FAM98A: variants seen among roughly 807,000 people sequenced by gnomAD.
The protein encoded by FAM98A is tRNA splicing ligase complex subunit 3A, also known as protein FAM98A.
FAM98A carries 25 observed loss-of-function variants against 62.9 expected under a neutral mutation model. The ratio of observed to expected loss-of-function variants is 0.40; its 90% confidence interval spans 0.29 to 0.56. The LOEUF (loss-of-function observed/expected upper bound fraction) is 0.56, where lower values mean the gene tolerates loss of function less well. Among genes scored for constraint, FAM98A ranks in the 20% least tolerant of loss-of-function variants. The probability of loss-of-function intolerance (pLI) is 0.51; values close to 1 mark genes in which losing one functional copy is unlikely to be tolerated. For synonymous variants in FAM98A, 252 were observed against 228.6 expected (o/e 1.10, Z -0.92); for missense variants, 653 against 640.7 (o/e 1.02, Z -0.21).
At chr2:33,590,491 G>T (rs998728520) in intron 3 of FAM98A, among the ~76,000 whole-genome samples, 12 of 152,176 alleles carry the variant, frequency 7.9e-5, no homozygotes, top group African/African-American at 2.9e-4. Context: ...ATGAGTACAT[G>T]TAGGTAAATG....
At chr2:33,599,121 G>A (rs747153184) in intron 1 of FAM98A, 48 bp downstream of exon 1, 2 of 1,532,672 alleles carry the variant, frequency 1.3e-6, no homozygotes, top group African/African-American at 1.4e-5. Flanking sequence ...GTGTTCCCAG[G>A]GGGCCGGCAG....
At position 33,598,227 on chromosome 2, in the gene FAM98A, A is replaced by G. The variant is rs114872040; in HGVS notation, c.53+942T>C. Among the ~76,000 whole-genome samples the G allele has an allele frequency of 7.8e-3, 1,184 of 152,340 alleles. 13 individuals are homozygous for G. The highest frequency in any genetic ancestry group is 0.027 in the African/African-American group (1,111 of 41,570). Reference sequence around the variant, plus strand: ...TCTCTCAAAGGTTTCCTTGTCATGGAAAAACCTAAGAGAAAATTTTGATAA... The same window carrying G: ...TCTCTCAAAGGTTTCCTTGTCATGGGAAAACCTAAGAGAAAATTTTGATAA... On this transcript the variant is annotated intron_variant, in intron 1 of 7. Transcript: ENST00000238823.
At position 33,594,622 on chromosome 2, in the gene FAM98A, T is replaced by C. The variant is rs12993067; in HGVS notation, c.202+867A>G. ...ACACATACATACACACATATATATATACACACATATATATACACATATATA... is the reference window on the plus strand; with the variant it reads ...ACACATACATACACACATATATATACACACACATATATATACACATATATA... On this transcript the variant is annotated intron_variant, in intron 2 of 7. Transcript: ENST00000238823. 1.4e-4 allele frequency among the ~76,000 whole-genome samples: 8 copies of C among 58,176 alleles called. 2 individuals carry two copies. The highest frequency in any genetic ancestry group is 6.0e-4 in the African/African-American group (7 of 11,572). The allele number at this position is 58,176 out of a possible 152,430, so 38.2% of individuals were successfully genotyped here. A position where few individuals can be genotyped will look rare whatever the true frequency, so the allele number is the denominator to read the frequency against.
chr2:33,595,945 T>C (rs1037868064), intron 1 of FAM98A, among the ~76,000 whole-genome samples: 4 of 152,208 alleles, frequency 2.6e-5, no homozygotes, highest in Non-Finnish European at 5.9e-5. Context: ...AAAAGATTTA[T>C]TTTCTTACTG....
Position 33,598,224 on chromosome 2 carries a change from T to C in FAM98A, c.53+945A>G, listed in dbSNP as rs77426796. Among the ~76,000 whole-genome samples, 165 of 152,338 alleles carry C rather than the reference T, an allele frequency of 1.1e-3. 5 individuals carry two copies. In the East Asian group the frequency reaches 0.019, roughly 18 times the overall value. On this transcript the variant is annotated intron_variant, in intron 1 of 7. Transcript: ENST00000238823. ...GTTTCTCTCAAAGGTTTCCTTGTCA[T>C]GGAAAAACCTAAGAGAAAATTTTGA...
chr2:33,597,462 A>T (rs927693673), intron 1 of FAM98A, among the ~76,000 whole-genome samples: 1 of 152,236 alleles, frequency 6.6e-6, no homozygotes, highest in Non-Finnish European at 1.5e-5. Flanking sequence ...TTAAGGTTAA[A>T]ATTTATAACA....
intron 1 of FAM98A, among the ~76,000 whole-genome samples, chr2:33,596,728 A>G (rs1677821125): frequency 6.6e-6 from 1 of 151,984 alleles, no homozygotes; most frequent in Admixed American, 6.6e-5. Flanking sequence ...CATCTCTAAT[A>G]AAAATACAAA....
intron 6 of FAM98A, among the ~76,000 whole-genome samples, chr2:33,585,969 A>G (rs1003303390): frequency 1.1e-4 from 17 of 152,224 alleles, no homozygotes; most frequent in African/African-American, 3.6e-4. Context: ...TATGAGGCCA[A>G]CGTGATAAAA....
In FAM98A at chr2:33,584,296, G is replaced by C. The variant is rs954080858; in HGVS notation, c.*480C>G. ...AGCACACGTGGCATAAAAGTCAACCGGGGGGCAGAACTGTGCTTGGAAAAT... is the reference window on the plus strand; with the variant it reads ...AGCACACGTGGCATAAAAGTCAACCCGGGGGCAGAACTGTGCTTGGAAAAT... On this transcript the variant is annotated 3_prime_UTR_variant, in exon 8 of 8. Transcript: ENST00000238823. 1 of 156,544 alleles carries C rather than the reference G, an allele frequency of 6.4e-6. No individual in the cohort carries two copies. Among genetic ancestry groups the C allele is most frequent in the African/African-American group, 2.4e-5 (1 of 41,448 alleles). The allele number at this position is 156,544 out of a possible 1,614,324, so 9.7% of individuals were successfully genotyped here. A position where few individuals can be genotyped will look rare whatever the true frequency, so the allele number is the denominator to read the frequency against.
rs184774181 is a variant in FAM98A, at chr2:33,592,835, C to T, written c.203-621G>A. Among the ~76,000 whole-genome samples the T allele has an allele frequency of 1.4e-3, 217 of 152,304 alleles. 1 individual carries two copies. The highest frequency in any genetic ancestry group is 4.6e-3 in the African/African-American group (193 of 41,556). On this transcript the variant is annotated intron_variant, in intron 2 of 7. Coordinates refer to ENST00000238823, the MANE Select transcript of FAM98A (RefSeq NM_015475.5). ...TTCCTAGCATATTCAGCTATAATCA[C>T]CTACATTCCCTCCACAAATATTTCC...
intron 3 of FAM98A, chr2:33,588,762 A>C (rs1217989319): frequency 7.2e-6 from 2 of 278,254 alleles, no homozygotes; most frequent in East Asian, 1.2e-4. Context: ...ATTCTCTTTG[A>C]AACCGAAGGA....
At chr2:33,592,782 G>C (rs987245670) in intron 2 of FAM98A, among the ~76,000 whole-genome samples, 3 of 152,086 alleles carry the variant, frequency 2.0e-5, no homozygotes, top group African/African-American at 7.2e-5. Flanking sequence ...TGCTTTTAAA[G>C]ATTCTTCATA....
At chr2:33,586,784 T>C in intron 5 of FAM98A, 106 bp from the exon 6 acceptor site, 1 of 695,380 alleles carries the variant, frequency 1.4e-6, no homozygotes, top group Non-Finnish European at 2.5e-6. Flanking sequence ...ATCCCGGCCA[T>C]TTAACAGTCA....
intron 3 of FAM98A, chr2:33,588,766 C>T (rs369168339): frequency 3.0e-5 from 8 of 262,696 alleles, no homozygotes; most frequent in South Asian, 1.5e-4. Flanking sequence ...TCTTTGAAAC[C>T]GAAGGATCGA....
At position 33,584,784 on chromosome 2, in the gene FAM98A, T is replaced by G; in HGVS notation, c.1549A>C (p.Thr517Pro). The G allele has an allele frequency of 6.3e-7, 1 of 1,598,052 alleles. No individual in the cohort carries two copies. Among genetic ancestry groups the G allele is most frequent in the Non-Finnish European group, 8.6e-7 (1 of 1,168,006 alleles). The change falls in exon 8 of 8, where the codon ACT (threonine) becomes CCT (proline). Residue 517 changes from threonine (T) to proline (P), a missense_variant. Coordinates refer to ENST00000238823, the MANE Select transcript of FAM98A (RefSeq NM_015475.5). ...HSGFGQGRHY[T>P]S is the part of the protein sequence containing the mutation. ...TGTAAGGTTCGGTAGCCTCAACTAG[T>G]GTAATGTCTTCCCTGTCCAAATCCA...
chr2:33,585,674 C>G lies in FAM98A; in HGVS notation c.744G>C (p.Lys248Asn). The G allele has an allele frequency of 6.2e-7, 1 of 1,613,540 alleles. No homozygotes were observed. Among genetic ancestry groups the G allele is most frequent in the Non-Finnish European group, 8.5e-7 (1 of 1,179,806 alleles). ...AGACTGAACGTTTCGGCTGGTAAACCTTGGCTAATTTTTCTGTCTGGCTCT... is the reference window on the plus strand; with the variant it reads ...AGACTGAACGTTTCGGCTGGTAAACGTTGGCTAATTTTTCTGTCTGGCTCT... The part of the protein sequence containing the change: ...RAKSQTEKLA[K>N]VYQPKRSVLS... The change falls in exon 7 of 8, where the codon AAG (lysine) becomes AAC (asparagine). Residue 248 changes from lysine (K) to asparagine (N), a missense_variant. Physicochemically the swap from Lys to Asn is moderately conservative, Grantham distance 94. Coordinates refer to ENST00000238823, the MANE Select transcript of FAM98A (RefSeq NM_015475.5).
At chr2:33,588,777 G>C (rs1677612327) in intron 3 of FAM98A, 2 of 236,646 alleles carry the variant, frequency 8.5e-6, no homozygotes, top group East Asian at 1.6e-4. Context: ...GAAGGATCGA[G>C]GTAAGTAACA....
intron 2 of FAM98A, among the ~76,000 whole-genome samples, 183 bp downstream of exon 2, chr2:33,595,306 T>G (rs996691195): frequency 3.9e-5 from 6 of 152,220 alleles, no homozygotes; most frequent in Non-Finnish European, 7.3e-5. Context: ...ATGACTTTAT[T>G]CTGGTATTTC....
chr2:33,584,979 C>A lies in FAM98A; in HGVS notation c.1354G>T (p.Gly452Trp), dbSNP rs747558363. ...CCACCACCACGATCACCATGGTGCC[C>A]GCCATCTTGGTATCTATTGTCCTGC... ...YQQDNRYQDG[G>W]HHGDRGGGRG... Residue 452 changes from glycine to tryptophan, a missense_variant, in exon 8 of 8, where the codon GGG (glycine) becomes TGG (tryptophan). Gly to Trp is a radical substitution (Grantham distance 184). Coordinates refer to ENST00000238823, the MANE Select transcript of FAM98A (RefSeq NM_015475.5). The A allele has an allele frequency of 3.1e-5, 50 of 1,613,916 alleles. No homozygotes were observed. Among genetic ancestry groups the A allele is most frequent in the Non-Finnish European group, 3.9e-5 (46 of 1,180,006 alleles).
Sources: allele counts gnomAD v4.1 joint callset (sites outside exome capture counted in the v4.1 genomes callset), GRCh38; gene constraint gnomAD v4.1.1; transcripts MANE v1.5; gene names NCBI Gene and HGNC (gene_info 2026-07-23, HGNC 2026-07-21).